Variants in MB21D2 observed in about 807,000 individuals in gnomAD.
MB21D2 encodes the protein Mab-21 domain containing 2.
In MB21D2, 9 loss-of-function variants were observed where a neutral mutation model predicts 33.3. The ratio of observed to expected loss-of-function variants is 0.27; its 90% CI spans 0.16 to 0.47. The LOEUF (loss-of-function observed/expected upper bound fraction) is 0.47. MB21D2 is among the 20% of genes least tolerant of loss of function. MB21D2 has a pLI of 0.99. For missense variants in MB21D2, 540 were observed against 624.6 expected (o/e 0.86, Z 1.44); for synonymous variants, 241 against 236.3 (o/e 1.02, Z -0.18).
At chr3:192,887,076 T>G (rs903744679) in intron 1 of MB21D2, among the ~76,000 whole-genome samples, 1 of 152,150 alleles carries the variant, frequency 6.6e-6, no homozygotes, top group Non-Finnish European at 1.5e-5. Flanking sequence ...GAGAAGACGC[T>G]GAACCAAATT....
chr3:192,849,634 T>C (rs1283319299), intron 1 of MB21D2, among the ~76,000 whole-genome samples: 1 of 152,198 alleles, frequency 6.6e-6, no homozygotes, highest in Non-Finnish European at 1.5e-5. Context: ...CTTACTTTAT[T>C]TAATATTTCA....
At chr3:192,883,306 C>T (rs10049243) in intron 1 of MB21D2, among the ~76,000 whole-genome samples, 3,980 of 152,134 alleles carry the variant, frequency 0.026, 189 homozygotes, top group African/African-American at 0.086. Context: ...ACATCTTTGC[C>T]ATGTACTCAT....
intron 1 of MB21D2, among the ~76,000 whole-genome samples, chr3:192,888,555 C>T (rs1297124530): frequency 6.6e-6 from 1 of 152,062 alleles, no homozygotes; most frequent in Non-Finnish European, 1.5e-5. Flanking sequence ...GTTGACTTAA[C>T]CAAAGTCTTC....
chr3:192,816,282 T>C (rs1022882984), intron 1 of MB21D2, among the ~76,000 whole-genome samples: 5 of 152,076 alleles, frequency 3.3e-5, no homozygotes, highest in African/African-American at 9.7e-5. Context: ...TGTGCTACGA[T>C]TGTGAGATGC....
At chr3:192,809,261 A>G (rs1375447969) in intron 1 of MB21D2, among the ~76,000 whole-genome samples, 1 of 152,148 alleles carries the variant, frequency 6.6e-6, no homozygotes, top group Admixed American at 6.5e-5. Context: ...ACATCTGGCT[A>G]ATTTTTGTAT....
chr3:192,917,711 T>C lies in MB21D2; in HGVS notation c.130A>G (p.Thr44Ala). ...TCGTATTCCCGCTGGTCGTGCTTCG[T>C]AAATTCTTGGATGAGTTTGTTCAAT... The part of the protein sequence containing the change: ...EELNKLIQEF[T>A]KHDQREYDDQ... Residue 44 changes from threonine (T) to alanine (A), a missense_variant, in exon 1 of 2, where the codon ACG becomes GCG. By Grantham distance (58) the Thr-to-Ala change is moderately conservative (BLOSUM62 0). Coordinates refer to ENST00000392452, the MANE Select transcript of MB21D2 (RefSeq NM_178496.4). The C allele has an allele frequency of 6.2e-7, 1 of 1,614,208 alleles. No individual in the cohort carries two copies. Among genetic ancestry groups the C allele is most frequent in the South Asian group, 1.1e-5 (1 of 91,080 alleles).
chr3:192,870,699 GA>G (rs57320648), intron 1 of MB21D2, among the ~76,000 whole-genome samples: 463 of 41,636 alleles, frequency 0.011, 3 homozygotes, highest in African/African-American at 0.042. Flanking sequence ...CGACTCCGTT[GA>G]AAAAAAAAAA....
chr3:192,819,211 T>C (rs573543590), intron 1 of MB21D2, among the ~76,000 whole-genome samples: 1 of 146,878 alleles, frequency 6.8e-6, no homozygotes, highest in Admixed American at 6.6e-5. Flanking sequence ...GAGTATCTGC[T>C]AAGGCCCAGT....
chr3:192,888,377 A>G (rs114057111), intron 1 of MB21D2, among the ~76,000 whole-genome samples: 1,564 of 152,286 alleles, frequency 0.01, 39 homozygotes, highest in African/African-American at 0.036. Flanking sequence ...TAAACGCAGT[A>G]TATCTTGGAA....
chr3:192,903,769 T>C (rs2108652803), intron 1 of MB21D2, among the ~76,000 whole-genome samples: 1 of 152,336 alleles, frequency 6.6e-6, no homozygotes, highest in East Asian at 1.9e-4. Flanking sequence ...ATCCCCCTGG[T>C]GACAAGCAAG....
Position 192,799,002 on chromosome 3 carries a change from C to A in MB21D2, c.860G>T (p.Trp287Leu). 1 of 1,614,140 alleles carries A rather than the reference C, an allele frequency of 6.2e-7. No individual in the cohort carries two copies. The highest frequency in any genetic ancestry group is 8.5e-7 in the Non-Finnish European group (1 of 1,180,040). The stretch of plus-strand genomic sequence containing the variant: ...CTCGCTCCTGGCAAAGGACAGCCGC[C>A]ATTCATTGTCCTTCTTACCCTTGTA... ...CSYKGKKDNE[W>L]RLSFARSEVQ... The change falls in exon 2 of 2, where the codon TGG becomes TTG. Residue 287 changes from tryptophan to leucine, a missense_variant. Transcript: ENST00000392452. This position sits in a 1 kb window ranked among gnomAD's most constrained non-coding sequence, Gnocchi z 4.1.
chr3:192,819,978 G>C (rs906623392), intron 1 of MB21D2, among the ~76,000 whole-genome samples: 1 of 152,158 alleles, frequency 6.6e-6, no homozygotes, highest in Non-Finnish European at 1.5e-5. Flanking sequence ...CTACAAGGGG[G>C]TAGGGGAATC....
At chr3:192,875,671 C>A (rs1382006265) in intron 1 of MB21D2, among the ~76,000 whole-genome samples, 1 of 152,022 alleles carries the variant, frequency 6.6e-6, no homozygotes, top group Non-Finnish European at 1.5e-5. Context: ...TTTTTAGAGA[C>A]AATAACATGA....
rs114653289 is a variant in MB21D2, at chr3:192,816,623, G to A, written c.212-16973C>T. On this transcript the variant is annotated intron_variant, in intron 1 of 1. Transcript: ENST00000392452. ...TGCTTCTTGCCGGTGAATTTCAAATGCCCACATGCTGTTTGCAGCAATTCT... is the reference window on the plus strand; with the variant it reads ...TGCTTCTTGCCGGTGAATTTCAAATACCCACATGCTGTTTGCAGCAATTCT... Among the ~76,000 whole-genome samples, 538 of 152,250 alleles carry A rather than the reference G, an allele frequency of 3.5e-3. 4 individuals are homozygous for A. The highest frequency in any genetic ancestry group is 0.013 in the African/African-American group (528 of 41,536).
intron 1 of MB21D2, among the ~76,000 whole-genome samples, chr3:192,806,265 A>G (rs1711658216): frequency 6.6e-6 from 1 of 152,228 alleles, no homozygotes; most frequent in Admixed American, 6.5e-5. Flanking sequence ...AAACAAGACA[A>G]CAATACACAA....
intron 1 of MB21D2, among the ~76,000 whole-genome samples, chr3:192,830,189 T>TA (rs1206620988): frequency 2.0e-5 from 3 of 152,026 alleles, no homozygotes; most frequent in East Asian, 1.9e-4. Context: ...ATTATGAACA[T>TA]AGAGTTTTCC....
chr3:192,837,757 T>C (rs1414932065), intron 1 of MB21D2, among the ~76,000 whole-genome samples: 1 of 152,236 alleles, frequency 6.6e-6, no homozygotes, highest in African/African-American at 2.4e-5. Context: ...TCTGTATTTT[T>C]AAATGATCCC....
intron 1 of MB21D2, among the ~76,000 whole-genome samples, chr3:192,830,428 G>A (rs908085879): frequency 6.6e-6 from 1 of 152,078 alleles, no homozygotes; most frequent in Non-Finnish European, 1.5e-5. Context: ...TGAGCACCCA[G>A]CTGTTGCTGT....
intron 1 of MB21D2, among the ~76,000 whole-genome samples, chr3:192,870,731 A>AAG (rs1276071873): frequency 0.16 from 20,725 of 132,552 alleles, 2,505 homozygotes; most frequent in African/African-American, 0.33. Flanking sequence ...GAAGGAGAGA[A>AAG]GAAGGAAGGA....
Sources: allele counts gnomAD v4.1 joint callset (sites outside exome capture counted in the v4.1 genomes callset), GRCh38; gene constraint gnomAD v4.1.1; non-coding constraint Gnocchi (gnomAD v3.1); transcripts MANE v1.5; gene names NCBI Gene and HGNC (gene_info 2026-07-23, HGNC 2026-07-21).